Variants in NDUFB7 observed in about 807,000 individuals in gnomAD.
NDUFB7 encodes NADH:ubiquinone oxidoreductase subunit B7.
Under a neutral mutation model 14.7 loss-of-function variants are expected in NDUFB7, and 18 were observed. The ratio of observed to expected loss-of-function variants is 1.22; its 90% CI spans 0.85 to 1.81. NDUFB7 has a LOEUF of 1.81. NDUFB7 is among the 40% of genes most tolerant of loss of function. The probability of loss-of-function intolerance (pLI) is 0.00; values close to 1 mark genes in which losing one functional copy is unlikely to be tolerated. For synonymous variants in NDUFB7, 86 were observed against 76.1 expected (o/e 1.13, Z -0.68); for missense variants, 219 against 195.0 (o/e 1.12, Z -0.73).
At chr19:14,569,107 A>G (rs1265484593) in intron 1 of NDUFB7, among the ~76,000 whole-genome samples, 1 of 152,104 alleles carries the variant, frequency 6.6e-6, no homozygotes, top group Non-Finnish European at 1.5e-5. Context: ...CCGGGAAGGC[A>G]GATGTTGCAG....
Position 14,571,795 on chromosome 19 carries a change from T to C in NDUFB7, c.112+94A>G, listed in dbSNP as rs567545914. The C allele has an allele frequency of 3.8e-4, 451 of 1,196,330 alleles. 1 individual carries two copies. The African/African-American group carries it at 6.0e-3, about 16-fold the overall frequency. The allele number at this position is 1,196,330 out of a possible 1,614,324, so 74.1% of individuals were successfully genotyped here. On this transcript the variant is annotated intron_variant, in intron 1 of 2. Coordinates refer to ENST00000215565, the MANE Select transcript of NDUFB7 (RefSeq NM_004146.6). ...CAAACCCAGATACAACACCTGAGGT[T>C]AGAGCCCAGCCCTGGGGTGCCAGCC...
At position 14,572,046 on chromosome 19, in the gene NDUFB7, C is replaced by G; in HGVS notation, c.-46G>C. ...CCTGCAGCAGCCGAGGGTCACCTAG[C>G]TCCTACCCGGAACCACTGACCCCTC... On this transcript the variant is annotated 5_prime_UTR_variant, in exon 1 of 3. Coordinates refer to ENST00000215565, the MANE Select transcript of NDUFB7 (RefSeq NM_004146.6). The G allele has an allele frequency of 6.9e-7, 1 of 1,444,058 alleles. No individual in the cohort carries two copies. Among genetic ancestry groups the G allele is most frequent in the Non-Finnish European group, 9.4e-7 (1 of 1,061,776 alleles). 89.5% of individuals were successfully genotyped at this position (1,444,058 alleles called of 1,614,324 possible). A position where few individuals can be genotyped will look rare whatever the true frequency, so the allele number is the denominator to read the frequency against.
At position 14,571,995 on chromosome 19, in the gene NDUFB7, C is replaced by T. The variant is rs950812554; in HGVS notation, c.6G>A (p.Gly2=). ...CCAGGTAGCGCCGGACCAGGTGGGC[C>T]CCCATGGCTGCAGTCGCTGCAGATC... The part of the protein sequence containing the change: M[G]AHLVRRYLGD... The change falls in exon 1 of 3, where the codon GGG becomes GGA. Residue 2 remains glycine (G), a synonymous_variant. Transcript: ENST00000215565. The T allele has an allele frequency of 1.3e-6, 2 of 1,595,452 alleles. No individual in the cohort carries two copies. Among genetic ancestry groups the T allele is most frequent in the Non-Finnish European group, 1.7e-6 (2 of 1,171,778 alleles).
chr19:14,566,622 C>T (rs1224687747), intron 2 of NDUFB7, 143 bp downstream of exon 2: 1 of 661,862 alleles, frequency 1.5e-6, no homozygotes. Flanking sequence ...GGGTGGGGTG[C>T]AGGCTGTGGG....
In NDUFB7 at chr19:14,566,215, C is replaced by T. The variant is rs138937878; in HGVS notation, c.332G>A (p.Arg111Gln). 86 of 1,613,942 alleles carry T rather than the reference C, an allele frequency of 5.3e-5. No homozygotes were observed. Among genetic ancestry groups the T allele is most frequent in the Non-Finnish European group, 6.9e-5 (81 of 1,180,008 alleles). The change falls in exon 3 of 3, where the codon CGG becomes CAG. Residue 111 changes from arginine to glutamine, a missense_variant. By Grantham distance (43) the Arg-to-Gln change is conservative (BLOSUM62 1). Coordinates refer to ENST00000215565, the MANE Select transcript of NDUFB7 (RefSeq NM_004146.6). ...CGCCTTCTTCTCCCGCCGCTTCTTC[C>T]GCTGGAGCAGCCTCCGCTCCCGCTC... ...EFERERRLLQ[R>Q]KKRREKKAAE...
At chr19:14,566,403 G>A in intron 2 of NDUFB7, 138 bp from the exon 3 acceptor site, 1 of 1,398,918 alleles carries the variant, frequency 7.1e-7, no homozygotes. Context: ...CTGTGGCTTG[G>A]GTCTGGGGTC....
intron 1 of NDUFB7, among the ~76,000 whole-genome samples, chr19:14,569,350 G>T (rs1421232722): frequency 6.6e-6 from 1 of 152,152 alleles, no homozygotes; most frequent in East Asian, 1.9e-4. Context: ...ACAGGGCCTT[G>T]CTATGTTGCC....
At chr19:14,566,362 G>T (rs895718864) in intron 2 of NDUFB7, 97 bp from the exon 3 acceptor site, 88 of 1,569,924 alleles carry the variant, frequency 5.6e-5, no homozygotes, top group Non-Finnish European at 7.3e-5. Context: ...GCACTGTGGG[G>T]GAGGCCTCTG....
rs2074103361 is a variant in NDUFB7, at chr19:14,567,982, A to G, written c.113-1049T>C. ...CCTTCTTTCCTGTGGCTCCTCCCAC[A>G]TCCCTCCTCCCCAGGTTTCCTCCCA... On this transcript the variant is annotated intron_variant, in intron 1 of 2. Coordinates refer to ENST00000215565, the MANE Select transcript of NDUFB7 (RefSeq NM_004146.6). The surrounding 1 kb of genome is among the most constrained non-coding windows in gnomAD (Gnocchi z 5.1). Among the ~76,000 whole-genome samples, 1 of 152,050 alleles carries G rather than the reference A, an allele frequency of 6.6e-6. No homozygotes were observed. Among genetic ancestry groups the G allele is most frequent in the South Asian group, 2.1e-4 (1 of 4,826 alleles).
Position 14,571,901 on chromosome 19 carries a change from G to A in NDUFB7, c.100C>T (p.Arg34Cys), listed in dbSNP as rs1326017793. ...TFPPDYGFPE[R>C]KEREMVATQQ... ...CACTGGGCCTCACCGCGCTCCTTGC[G>A]TTCGGGGAAGCCGTAGTCTGGCGGG... The change falls in exon 1 of 3, where the codon CGC (arginine) becomes TGC (cysteine). Residue 34 changes from arginine to cysteine, a missense_variant. By Grantham distance (180) the Arg-to-Cys change is radical (BLOSUM62 -3). Coordinates refer to ENST00000215565, the MANE Select transcript of NDUFB7 (RefSeq NM_004146.6). The A allele has an allele frequency of 6.2e-7, 1 of 1,610,124 alleles. No individual in the cohort carries two copies. The highest frequency in any genetic ancestry group is 1.7e-5 in the Admixed American group (1 of 59,476).
At chr19:14,571,835 G>A in intron 1 of NDUFB7, 54 bp downstream of exon 1, 2 of 1,527,294 alleles carry the variant, frequency 1.3e-6, no homozygotes, top group Non-Finnish European at 1.8e-6. Flanking sequence ...GGTGCCAGGT[G>A]TTCAGGCACC....
At chr19:14,571,814 G>T in intron 1 of NDUFB7, 75 bp downstream of exon 1, 1 of 1,377,044 alleles carries the variant, frequency 7.3e-7, no homozygotes. Context: ...GCCCTGGGGT[G>T]CCAGCCCTGG....
At chr19:14,566,540 G>A (rs2074087302) in intron 2 of NDUFB7, among the ~76,000 whole-genome samples, 1 of 150,686 alleles carries the variant, frequency 6.6e-6, no homozygotes, top group Non-Finnish European at 1.5e-5. Flanking sequence ...CTAAGGTGGG[G>A]CCCGGCTAGA....
intron 1 of NDUFB7, among the ~76,000 whole-genome samples, chr19:14,569,286 G>A (rs941777607): frequency 7.2e-5 from 11 of 152,226 alleles, no homozygotes; most frequent in Admixed American, 5.9e-4. Context: ...AGGGACTGCA[G>A]GAATGCGCCA....
intron 1 of NDUFB7, among the ~76,000 whole-genome samples, chr19:14,571,413 A>G (rs1458528300): frequency 6.6e-6 from 1 of 151,974 alleles, no homozygotes; most frequent in African/African-American, 2.4e-5. Context: ...CTGGCCAACA[A>G]GGAGAAACCC....
chr19:14,571,804 G>A lies in NDUFB7; in HGVS notation c.112+85C>T. On this transcript the variant is annotated intron_variant, in intron 1 of 2. Transcript: ENST00000215565. ...ATACAACACCTGAGGTTAGAGCCCA[G>A]CCCTGGGGTGCCAGCCCTGGGGTGC... 2.3e-6 allele frequency: 3 copies of A among 1,292,262 alleles called. No homozygotes were observed. In the South Asian group the frequency reaches 3.8e-5, roughly 16 times the overall value. The allele number at this position is 1,292,262 out of a possible 1,614,324, so 80.0% of individuals were successfully genotyped here.
chr19:14,568,249 TAGTC>T (rs901680571), intron 1 of NDUFB7, among the ~76,000 whole-genome samples: 3 of 152,220 alleles, frequency 2.0e-5, no homozygotes, highest in African/African-American at 4.8e-5. Flanking sequence ...TTCGCCATGT[TAGTC>T]AGGCTGGTCT....
In NDUFB7 at chr19:14,566,835, G is replaced by T. The variant is rs747487297; in HGVS notation, c.211C>A (p.Arg71Ser). 1.3e-6 allele frequency: 2 copies of T among 1,557,498 alleles called. No homozygotes were observed. Among genetic ancestry groups the T allele is most frequent in the Admixed American group, 3.8e-5 (2 of 52,044 alleles). ...HHLIRLLKCK[R>S]DSFPNFLACK... ...GCCAGGAAGTTGGGGAAGCTGTCAC[G>T]CTTGCACTTGAGCAGCCGGATGAGG... The change falls in exon 2 of 3, where the codon CGT (arginine) becomes AGT (serine). Residue 71 changes from arginine to serine, a missense_variant. By Grantham distance (110) the Arg-to-Ser change is moderately radical. Transcript: ENST00000215565.
In NDUFB7 at chr19:14,566,273, A is replaced by G. The variant is rs2074082840; in HGVS notation, c.282-8T>C. The stretch of plus-strand genomic sequence containing the variant: ...TTCATGCGCATCACATAGCTGGGGG[A>G]AAAGCACGAGAGGGGCTGTCAGGGT... On this transcript the variant is annotated splice_region_variant and splice_polypyrimidine_tract_variant and intron_variant, in intron 2 of 2. Transcript: ENST00000215565. The G allele has an allele frequency of 6.2e-7, 1 of 1,613,658 alleles. No individual in the cohort carries two copies. Among genetic ancestry groups the G allele is most frequent in the East Asian group, 2.2e-5 (1 of 44,830 alleles).
Sources: gnomAD v4.1 joint callset for allele counts (sites outside exome capture counted in the v4.1 genomes callset) on GRCh38, gnomAD v4.1.1 for gene constraint, Gnocchi (gnomAD v3.1) non-coding constraint, MANE v1.5 for transcripts, NCBI Gene and HGNC (gene_info 2026-07-23, HGNC 2026-07-21) for gene names.